Variants in PCDHA6 observed in about 807,000 individuals in gnomAD.
PCDHA6 encodes the protein protocadherin alpha 6.
PCDHA6 carries 55 observed loss-of-function variants against 60.3 expected under a neutral mutation model. The ratio of observed to expected loss-of-function variants is 0.91; its 90% CI spans 0.73 to 1.14. PCDHA6 has a LOEUF of 1.14. PCDHA6 is among the 50% of genes most tolerant of loss of function. PCDHA6 has a pLI of 0.00. For missense variants in PCDHA6, 1,327 were observed against 1,256.5 expected (o/e 1.06, Z -0.85); for synonymous variants, 652 against 557.9 (o/e 1.17, Z -2.38).
At chr5:140,913,299 T>A (rs2076283233) in intron 1 of PCDHA6, among the ~76,000 whole-genome samples, 1 of 152,196 alleles carries the variant, frequency 6.6e-6, no homozygotes, top group South Asian at 2.1e-4. Context: ...AATTTCTTCA[T>A]AGATCAACCT....
intron 1 of PCDHA6, chr5:140,842,724 A>G (rs2150343018): frequency 6.3e-7 from 1 of 1,594,394 alleles, no homozygotes; most frequent in Admixed American, 1.7e-5. Flanking sequence ...AAGGAGAACA[A>G]CCCGCCGGGC....
rs371705947 is a variant in PCDHA6, at chr5:140,967,473, C to T, written c.2395-11476C>T. The T allele has an allele frequency of 6.6e-5, 107 of 1,613,362 alleles. No homozygotes were observed. The highest frequency in any genetic ancestry group is 6.6e-4 in the Middle Eastern group (4 of 6,058). On this transcript the variant is annotated intron_variant, in intron 1 of 3. Coordinates refer to ENST00000529310, the MANE Select transcript of PCDHA6 (RefSeq NM_018909.4). The stretch of plus-strand genomic sequence containing the variant: ...ACAGCCGTGGATGGGGGCATCCCAG[C>T]CCGCTCGGGTACGGCACAGATCTCT...
At chr5:140,884,006 C>A in intron 1 of PCDHA6, 1 of 1,613,022 alleles carries the variant, frequency 6.2e-7, no homozygotes, top group Non-Finnish European at 8.5e-7. Context: ...AGTGAGCGAG[C>A]TGATGCCGCG....
At position 140,979,295 on chromosome 5, in the gene PCDHA6, C is replaced by A. The variant is rs180999093; in HGVS notation, c.2453+288C>A. Among the ~76,000 whole-genome samples, 27 of 152,270 alleles carry A rather than the reference C, an allele frequency of 1.8e-4. 1 individual carries two copies. The highest frequency in any genetic ancestry group is 4.1e-4 in the African/African-American group (17 of 41,558). ...TTCTACAGGGAAGTAATTTCAACCT[C>A]CTTCATCCCTCTCTACCTATGCTTT... On this transcript the variant is annotated intron_variant, in intron 2 of 3. Coordinates refer to ENST00000529310, the MANE Select transcript of PCDHA6 (RefSeq NM_018909.4).
intron 1 of PCDHA6, among the ~76,000 whole-genome samples, chr5:140,831,385 G>C (rs1771511282): frequency 6.7e-6 from 1 of 149,982 alleles, no homozygotes. Flanking sequence ...TGTGTGACAG[G>C]GTCTTGCTCT....
rs142640080 is a variant in PCDHA6 at position 140,917,521 on chromosome 5, C to T, written c.2395-61428C>T. Among the ~76,000 whole-genome samples the T allele has an allele frequency of 5.8e-4, 88 of 152,256 alleles. 1 individual carries two copies. In the East Asian group the frequency reaches 0.015, roughly 26 times the overall value. On this transcript the variant is annotated intron_variant, in intron 1 of 3. Transcript: ENST00000529310. ...ATGATATTTTCTAGGTTTTATTCTA[C>T]GGTTTGTATAGTTTTAGGTTTTACA...
At chr5:141,000,120 C>G (rs1554257146) in intron 3 of PCDHA6, among the ~76,000 whole-genome samples, 1 of 152,052 alleles carries the variant, frequency 6.6e-6, no homozygotes, top group African/African-American at 2.4e-5. Flanking sequence ...CCCTCATCCC[C>G]AAGGCTTCAC....
chr5:140,870,550 G>C (rs371515299), intron 1 of PCDHA6: 2 of 1,614,066 alleles, frequency 1.2e-6, no homozygotes, highest in South Asian at 2.2e-5. Flanking sequence ...GGACGCGGAC[G>C]CGCAGGAGAA....
chr5:140,952,028 T>C (rs2094677235), intron 1 of PCDHA6, among the ~76,000 whole-genome samples: 1 of 152,164 alleles, frequency 6.6e-6, no homozygotes, highest in Non-Finnish European at 1.5e-5. Flanking sequence ...AAGTCCGAAA[T>C]CCAGTAGGGC....
At chr5:140,868,231 T>C in intron 1 of PCDHA6, 1 of 152,170 alleles carries the variant, frequency 6.6e-6, no homozygotes, top group East Asian at 1.9e-4. Flanking sequence ...TAAAAACTCA[T>C]CTAGATCAAT....
intron 1 of PCDHA6, among the ~76,000 whole-genome samples, chr5:140,925,210 C>G (rs1319343041): frequency 1.3e-5 from 2 of 152,122 alleles, no homozygotes; most frequent in Admixed American, 6.5e-5. Context: ...ATTATCGATA[C>G]TTTTAGGCAG....
chr5:140,865,248 G>C (rs2048793700), intron 1 of PCDHA6: 1 of 152,148 alleles, frequency 6.6e-6, no homozygotes, highest in Non-Finnish European at 1.5e-5. Context: ...ATTTATAGCT[G>C]TAAGGATGTG....
chr5:140,871,255 A>G (rs201468806), intron 1 of PCDHA6: 9 of 1,613,976 alleles, frequency 5.6e-6, no homozygotes, highest in Non-Finnish European at 7.6e-6. Context: ...GCTGCTGTAT[A>G]CGGCGCTGTG....
At chr5:140,838,344 G>A (rs1185722843) in intron 1 of PCDHA6, among the ~76,000 whole-genome samples, 1 of 148,412 alleles carries the variant, frequency 6.7e-6, no homozygotes, top group African/African-American at 2.5e-5. Context: ...GGCTGGTCTC[G>A]AAATCTGGGA....
intron 1 of PCDHA6, among the ~76,000 whole-genome samples, chr5:140,953,228 G>A (rs2094861370): frequency 6.6e-6 from 1 of 152,124 alleles, no homozygotes; most frequent in South Asian, 2.1e-4. Flanking sequence ...CTTCTGCTTG[G>A]TAGCAGTTCA....
At chr5:140,858,107 C>T in intron 1 of PCDHA6, 1 of 1,597,636 alleles carries the variant, frequency 6.3e-7, no homozygotes, top group Non-Finnish European at 8.6e-7. Context: ...GGGCGTGGCG[C>T]CCGAGGTGGC....
rs184672024 is a variant in PCDHA6, at chr5:140,889,762, T to C, written c.2394+59277T>C. Among the ~76,000 whole-genome samples, 15 of 152,308 alleles carry C rather than the reference T, an allele frequency of 9.8e-5. No homozygotes were observed. The East Asian group carries it at 2.9e-3, about 29-fold the overall frequency. The stretch of plus-strand genomic sequence containing the variant: ...GAGTCTAATTTTTCTTTCCTTGAAC[T>C]TTGACTGGTCTTAATATTGGAAGTA... On this transcript the variant is annotated intron_variant, in intron 1 of 3. Coordinates refer to ENST00000529310, the MANE Select transcript of PCDHA6 (RefSeq NM_018909.4).
At chr5:140,923,226 G>T (rs2081248805) in intron 1 of PCDHA6, among the ~76,000 whole-genome samples, 1 of 71,914 alleles carries the variant, frequency 1.4e-5, no homozygotes, top group Admixed American at 1.5e-4. Flanking sequence ...GATCGTTTGA[G>T]CCCAGAAGTT....
intron 1 of PCDHA6, among the ~76,000 whole-genome samples, chr5:140,914,155 A>G (rs1432406316): frequency 6.6e-6 from 1 of 152,188 alleles, no homozygotes; most frequent in Admixed American, 6.5e-5. Flanking sequence ...GTTCTGTCCA[A>G]TACGGAAAGT....
Sources: gnomAD v4.1 joint callset for allele counts (sites outside exome capture counted in the v4.1 genomes callset) on GRCh38, gnomAD v4.1.1 for gene constraint, MANE v1.5 for transcripts, NCBI Gene and HGNC (gene_info 2026-07-23, HGNC 2026-07-21) for gene names.